Variants in SETD2 observed in about 807,000 individuals in gnomAD.
SETD2 encodes the protein SET domain containing 2, histone lysine methyltransferase.
In SETD2, 31 loss-of-function variants were observed where a neutral mutation model predicts 242.1. That is an observed-to-expected ratio of 0.13 (90% CI 0.10 to 0.17). The LOEUF is 0.17. Ranked by LOEUF, SETD2 falls within the 10% of genes least tolerant of loss-of-function variation. SETD2 has a pLI of 1.00. For synonymous variants in SETD2, 1,006 were observed against 1,066.5 expected, an observed-to-expected ratio of 0.94 and a Z score of 1.11; for missense variants, 2,481 against 3,046.3, an observed-to-expected ratio of 0.81 and a Z score of 4.37.
At chr3:47,159,699 G>A (rs887291720) in intron 1 of SETD2, among the ~76,000 whole-genome samples, 1 of 152,140 alleles carries the variant, frequency 6.6e-6, no homozygotes, top group Admixed American at 6.5e-5. Context: ...AACCTCAGCC[G>A]AGAGCAGTGG....
At chr3:47,143,286 C>A (rs1377112461) in intron 1 of SETD2, among the ~76,000 whole-genome samples, 1 of 151,942 alleles carries the variant, frequency 6.6e-6, no homozygotes, top group African/African-American at 2.4e-5. Context: ...AGAGCAAGAC[C>A]CCGTCTCAAA....
In SETD2 at chr3:47,121,425, C is replaced by T. The variant is rs2043081414; in HGVS notation, c.3211G>A (p.Val1071Ile). Reference protein sequence around the residue: ...IPRNRLQSVVVVPKNSTLPME... With the variant: ...IPRNRLQSVVIVPKNSTLPME... ...GGCAAAGTAGAATTCTTTGGCACAA[C>T]CACAACAGACTGGAGACGGTTTCTT... Residue 1071 changes from valine to isoleucine, a missense_variant, in exon 3 of 21, where the codon GTT becomes ATT. Val to Ile is a conservative substitution (Grantham distance 29). Around this residue, in one of 17 missense-constraint regions of SETD2, gnomAD observed 1,300 missense variants for 1,259.2 expected, o/e 1.03. Transcript: ENST00000409792. 1 of 1,611,412 alleles carries T rather than the reference C, an allele frequency of 6.2e-7. No individual in the cohort carries two copies. The highest frequency in any genetic ancestry group is 1.3e-5 in the African/African-American group (1 of 74,914).
chr3:47,124,682 T>C (rs1157153616), intron 2 of SETD2, 134 bp from the exon 3 acceptor site: 24 of 693,026 alleles, frequency 3.5e-5, no homozygotes, highest in Admixed American at 6.9e-5. Flanking sequence ...CACTAAGCTA[T>C]ATATATCTTT....
intron 3 of SETD2, 130 bp downstream of exon 3, chr3:47,120,052 G>T: frequency 1.2e-6 from 1 of 805,596 alleles, no homozygotes. Context: ...CACTTTTTTA[G>T]ACTTTTAAAT....
intron 1 of SETD2, among the ~76,000 whole-genome samples, chr3:47,158,921 G>A (rs572338059): frequency 1.3e-5 from 2 of 152,284 alleles, no homozygotes; most frequent in African/African-American, 4.8e-5. Context: ...CAAGTTCACA[G>A]ATGTCATCCA....
chr3:47,084,000 T>C lies in SETD2; in HGVS notation c.5780A>G (p.Gln1927Arg). ...VEEEEELQSQ[Q>R]LLPQQLPECK... ...TTCAGGCAGCTGTTGTGGGAGTAGCTGTTGTGACTGCAATTCTTCCTCTTC... is the reference window on the plus strand; with the variant it reads ...TTCAGGCAGCTGTTGTGGGAGTAGCCGTTGTGACTGCAATTCTTCCTCTTC... Residue 1927 changes from glutamine (Q) to arginine (R), a missense_variant, in exon 12 of 21, where the codon CAG (glutamine) becomes CGG (arginine). Physicochemically the swap from Gln to Arg is conservative, Grantham distance 43. This residue lies in a region of SETD2 where 203 missense variants were observed against 222.4 expected (regional missense o/e 0.91). Transcript: ENST00000409792. 1 of 1,614,192 alleles carries C rather than the reference T, an allele frequency of 6.2e-7. No homozygotes were observed. The highest frequency in any genetic ancestry group is 8.5e-7 in the Non-Finnish European group (1 of 1,180,034).
chr3:47,157,058 T>C (rs2044142119), intron 1 of SETD2, among the ~76,000 whole-genome samples: 1 of 151,808 alleles, frequency 6.6e-6, no homozygotes, highest in Non-Finnish European at 1.5e-5. Context: ...CACTTGGGCT[T>C]AGGAGTTTGA....
chr3:47,093,374 C>T (rs557604041), intron 9 of SETD2, among the ~76,000 whole-genome samples: 1 of 150,930 alleles, frequency 6.6e-6, no homozygotes, highest in South Asian at 2.1e-4. Flanking sequence ...ACCTCCATCT[C>T]CTGGGTTCAA....
In SETD2 at chr3:47,099,167, T is replaced by C. The variant is rs537932123; in HGVS notation, c.5016-1086A>G. Among the ~76,000 whole-genome samples, 9 of 151,830 alleles carry C rather than the reference T, an allele frequency of 5.9e-5. No individual in the cohort carries two copies. In the South Asian group the frequency reaches 1.2e-3, roughly 21 times the overall value. On this transcript the variant is annotated intron_variant, in intron 8 of 20. Transcript: ENST00000409792. ...TGAAGGAGTATGTAAAAGACCTTCATTGCCAGAAGTCTGGTAACTGTCACC... is the reference window on the plus strand; with the variant it reads ...TGAAGGAGTATGTAAAAGACCTTCACTGCCAGAAGTCTGGTAACTGTCACC...
At chr3:47,081,164 C>T in intron 12 of SETD2, 1 of 766,540 alleles carries the variant, frequency 1.3e-6, no homozygotes, top group Non-Finnish European at 1.6e-6. Flanking sequence ...AGCTTCATTC[C>T]CTTCCCTCCC....
At chr3:47,157,428 G>A (rs535794562) in intron 1 of SETD2, 9 of 453,402 alleles carry the variant, frequency 2.0e-5, no homozygotes, top group African/African-American at 1.8e-4. Flanking sequence ...TATAGAATCT[G>A]ACTATCCTGA....
intron 6 of SETD2, 160 bp downstream of exon 6, chr3:47,105,837 G>T: frequency 1.4e-6 from 1 of 700,100 alleles, no homozygotes; most frequent in Non-Finnish European, 2.3e-6. Flanking sequence ...CAGGAGGCAG[G>T]GGTTGCAGTG....
intron 12 of SETD2, among the ~76,000 whole-genome samples, chr3:47,074,698 T>C (rs2040974198): frequency 6.6e-6 from 1 of 151,318 alleles, no homozygotes; most frequent in African/African-American, 2.5e-5. Flanking sequence ...AGTTCATTCC[T>C]TTCTCAACCC....
At chr3:47,152,515 A>C (rs2044009963) in intron 1 of SETD2, among the ~76,000 whole-genome samples, 1 of 152,250 alleles carries the variant, frequency 6.6e-6, no homozygotes, top group Non-Finnish European at 1.5e-5. Flanking sequence ...ACATTCACAC[A>C]AAACTCATAA....
chr3:47,055,643 T>C (rs2040021960), intron 15 of SETD2, among the ~76,000 whole-genome samples: 1 of 151,882 alleles, frequency 6.6e-6, no homozygotes, highest in Non-Finnish European at 1.5e-5. Context: ...TAGTGAGCTA[T>C]GATCGCATCA....
intron 5 of SETD2, among the ~76,000 whole-genome samples, chr3:47,111,984 T>A (rs1243184261): frequency 6.6e-6 from 1 of 152,204 alleles, no homozygotes; most frequent in Non-Finnish European, 1.5e-5. Context: ...ATGTCTAAGT[T>A]ACTAGAATCC....
chr3:47,154,060 AAAC>A (rs746007764), intron 1 of SETD2, among the ~76,000 whole-genome samples: 28 of 152,302 alleles, frequency 1.8e-4, no homozygotes, highest in Non-Finnish European at 2.4e-4. Context: ...TAAGAAAATC[AAAC>A]AACTTAACAT....
At chr3:47,063,139 T>G (rs1231042200) in intron 13 of SETD2, among the ~76,000 whole-genome samples, 1 of 152,206 alleles carries the variant, frequency 6.6e-6, no homozygotes. Context: ...TCATATCTTA[T>G]GAATACTATA....
intron 9 of SETD2, among the ~76,000 whole-genome samples, chr3:47,093,089 G>C (rs1408239033): frequency 6.6e-6 from 1 of 151,850 alleles, no homozygotes; most frequent in Admixed American, 6.6e-5. Context: ...TTTAAGTTCT[G>C]GGATACATGT....
Sources: allele counts gnomAD v4.1 joint callset (sites outside exome capture counted in the v4.1 genomes callset), GRCh38; gene constraint gnomAD v4.1.1; regional missense constraint gnomAD v4.1.1; transcripts MANE v1.5; gene names NCBI Gene and HGNC (gene_info 2026-07-23, HGNC 2026-07-21).